The following PCDH11X variants were observed in gnomAD, a reference collection of about 807,000 sequenced individuals.
PCDH11X encodes the protein protocadherin-11 X-linked.
A neutral mutation model predicts 53.3 loss-of-function variants in PCDH11X; 18 were observed. The observed-to-expected ratio is 0.34, with a 90% confidence interval of 0.23 to 0.50. The LOEUF is 0.50. Ranked by LOEUF, PCDH11X falls within the 20% of genes least tolerant of loss-of-function variation. The pLI, the probability that PCDH11X is intolerant of heterozygous loss-of-function variation, is 0.98. For missense variants in PCDH11X, 570 were observed against 1,032.4 expected, an observed-to-expected ratio of 0.55 and a Z score of 6.14; for synonymous variants, 279 against 393.3, an observed-to-expected ratio of 0.71 and a Z score of 3.44.
chrX:92,579,196 A>C (rs1923347610), intron 10 of PCDH11X, among the ~76,000 whole-genome samples: 1 of 100,135 alleles, frequency 1.0e-5, no homozygotes, highest in Admixed American at 1.1e-4. Context: ...CTTCACTTCC[A>C]CTTTGGGGAA....
chrX:92,075,095 A>G (rs2063754921), intron 6 of PCDH11X, among the ~76,000 whole-genome samples: 1 of 109,998 alleles, frequency 9.1e-6, no homozygotes, highest in African/African-American at 3.3e-5. Context: ...TTTTATTCTT[A>G]GTGGTAATTA....
intron 6 of PCDH11X, among the ~76,000 whole-genome samples, chrX:91,887,361 A>G (rs1940279571): frequency 9.0e-6 from 1 of 111,175 alleles, no homozygotes; most frequent in African/African-American, 3.3e-5. Flanking sequence ...GAATATTCAA[A>G]GATTCTGTGA....
chrX:92,379,386 C>T (rs774081600), intron 8 of PCDH11X, among the ~76,000 whole-genome samples: 6 of 112,814 alleles, frequency 5.3e-5, no homozygotes, highest in Admixed American at 4.6e-4. Flanking sequence ...CCTATGGCTG[C>T]CTCAGCCCCC....
intron 10 of PCDH11X, among the ~76,000 whole-genome samples, chrX:92,581,330 C>T (rs1457155867): frequency 1.8e-5 from 2 of 111,381 alleles, no homozygotes; most frequent in Non-Finnish European, 3.8e-5. Flanking sequence ...TGAATTGTAG[C>T]TCCCATAATT....
chrX:92,057,715 G>A (rs1293895021), intron 6 of PCDH11X, among the ~76,000 whole-genome samples: 3 of 103,069 alleles, frequency 2.9e-5, no homozygotes, highest in Non-Finnish European at 5.9e-5. Flanking sequence ...AACTTACACA[G>A]GATGACTCAT....
chrX:92,418,046 A>G lies in PCDH11X; in HGVS notation c.3343+30113A>G, dbSNP rs762005844. 5.5e-5 allele frequency among the ~76,000 whole-genome samples: 6 copies of G among 109,209 alleles called. No homozygotes were observed. In the South Asian group the frequency reaches 2.4e-3, roughly 43 times the overall value. The allele number at this position is 109,209 out of a possible 115,157, so 94.8% of individuals were successfully genotyped here. ...CATTCGACTAATCTTTCACTGATAT[A>G]TATTGGTGTATACCTAAACTACTAA... On this transcript the variant is annotated intron_variant, in intron 9 of 10. Transcript: ENST00000682573.
intron 4 of PCDH11X, among the ~76,000 whole-genome samples, chrX:91,816,140 A>C (rs753212842): frequency 1.5e-4 from 17 of 111,018 alleles, no homozygotes; most frequent in African/African-American, 5.6e-4. Context: ...CACCCCCCCA[A>C]AAAAAATCTC....
At chrX:92,351,427 C>T in intron 8 of PCDH11X, among the ~76,000 whole-genome samples, 1 of 111,511 alleles carries the variant, frequency 9.0e-6, no homozygotes, top group East Asian at 2.8e-4. Context: ...CTATGGGGTA[C>T]ATATAGTAAG....
At chrX:92,414,925 TC>T (rs963033264) in intron 9 of PCDH11X, among the ~76,000 whole-genome samples, 1 of 110,612 alleles carries the variant, frequency 9.0e-6, no homozygotes, top group African/African-American at 3.3e-5. Context: ...AATTTCATTT[TC>T]AGAAGGTAAT....
chrX:92,419,927 G>A (rs1453564005), intron 9 of PCDH11X, among the ~76,000 whole-genome samples: 13 of 109,901 alleles, frequency 1.2e-4, no homozygotes, highest in Admixed American at 5.8e-4. Context: ...TGATCCACCC[G>A]CCTCAGCTTC....
At chrX:92,448,729 G>A (rs966175998) in intron 9 of PCDH11X, among the ~76,000 whole-genome samples, 33 of 109,031 alleles carry the variant, frequency 3.0e-4, no homozygotes, top group African/African-American at 1.1e-3. Flanking sequence ...TGGAGAAAGG[G>A]TACTTAATTA....
At chrX:92,127,527 T>G (rs998056387) in intron 6 of PCDH11X, among the ~76,000 whole-genome samples, 57 of 103,676 alleles carry the variant, frequency 5.5e-4, no homozygotes, top group Non-Finnish European at 5.7e-4. Context: ...ACTTTTTTTT[T>G]TTTTTTTTTT....
At chrX:92,361,394 T>A (rs1603287886) in intron 8 of PCDH11X, among the ~76,000 whole-genome samples, 1 of 111,410 alleles carries the variant, frequency 9.0e-6, no homozygotes, top group East Asian at 2.8e-4. Context: ...TCCTTTTCCC[T>A]CCAAACAATT....
chrX:92,252,966 C>T (rs1324612598), intron 7 of PCDH11X, among the ~76,000 whole-genome samples: 4 of 110,427 alleles, frequency 3.6e-5, no homozygotes, highest in Non-Finnish European at 5.7e-5. Flanking sequence ...CACTCTGTAA[C>T]CAGCAGGAAT....
intron 6 of PCDH11X, among the ~76,000 whole-genome samples, chrX:91,970,157 T>TGTTACAGCTCTTTAAGGCA (rs1281760695): frequency 8.1e-5 from 9 of 110,597 alleles, no homozygotes; most frequent in African/African-American, 3.0e-4. Context: ...TCACAGTGAG[T>TGTTACAGCTCTTTAAGGCA]GTTACAGCTC....
intron 8 of PCDH11X, among the ~76,000 whole-genome samples, chrX:92,374,046 A>T (rs1443052702): frequency 6.5e-5 from 7 of 108,129 alleles, no homozygotes; most frequent in Non-Finnish European, 1.3e-4. Flanking sequence ...TTTAAAGACC[A>T]AGGATGCATG....
At chrX:92,380,886 C>A (rs2148564549) in intron 8 of PCDH11X, among the ~76,000 whole-genome samples, 1 of 102,558 alleles carries the variant, frequency 9.8e-6, no homozygotes, top group South Asian at 4.6e-4. Flanking sequence ...ACTTGTCAGT[C>A]ACTTTGAGGT....
intron 8 of PCDH11X, among the ~76,000 whole-genome samples, chrX:92,308,611 A>G (rs2068880673): frequency 9.0e-6 from 1 of 111,520 alleles, no homozygotes; most frequent in Admixed American, 9.6e-5. Context: ...TTGGATATGG[A>G]ATCAAAAGCA....
chrX:92,378,714 AC>A (rs1202577704), intron 8 of PCDH11X, among the ~76,000 whole-genome samples: 2 of 111,507 alleles, frequency 1.8e-5, no homozygotes, highest in African/African-American at 6.5e-5. Flanking sequence ...GCATCTTTTC[AC>A]CGTGTACTCA....
Sources: allele counts gnomAD v4.1 joint callset (sites outside exome capture counted in the v4.1 genomes callset), GRCh38; gene constraint gnomAD v4.1.1; transcripts MANE v1.5; gene names NCBI Gene and HGNC (gene_info 2026-07-23, HGNC 2026-07-21).